The following PLCB1 variants were observed in gnomAD, a reference collection of about 807,000 sequenced individuals.
PLCB1 encodes the protein 1-phosphatidylinositol 4,5-bisphosphate phosphodiesterase beta-1.
In PLCB1, 46 loss-of-function variants were observed where a neutral mutation model predicts 161.8. That is an observed-to-expected ratio of 0.28 (90% CI 0.22 to 0.36). The LOEUF (loss-of-function observed/expected upper bound fraction) is 0.36. Among genes scored for constraint, PLCB1 ranks in the 10% least tolerant of loss-of-function variants. The pLI is 1.00. For synonymous variants in PLCB1, 517 were observed against 503.7 expected (o/e 1.03, Z -0.35); for missense variants, 1,016 against 1,472.5 (o/e 0.69, Z 5.07).
At position 8,391,816 on chromosome 20, in the gene PLCB1, T is replaced by C. The variant is rs868478486; in HGVS notation, c.246+20366T>C. Among the ~76,000 whole-genome samples, 847 of 134,082 alleles carry C rather than the reference T, an allele frequency of 6.3e-3. 7 individuals are homozygous for C. The highest frequency in any genetic ancestry group is 0.013 in the African/African-American group (443 of 33,818). 88.0% of individuals were successfully genotyped at this position (134,082 alleles called of 152,430 possible). The stretch of plus-strand genomic sequence containing the variant: ...ATATATATATATATATATATATATA[T>C]ATATATATACACACACATATATATA... On this transcript the variant is annotated intron_variant, in intron 3 of 31. Transcript: ENST00000338037.
intron 3 of PLCB1, among the ~76,000 whole-genome samples, chr20:8,619,545 A>G (rs1186316625): frequency 6.6e-6 from 1 of 152,238 alleles, no homozygotes. Context: ...TTAATTCTTT[A>G]TGTACATGTG....
At chr20:8,835,135 T>C (rs1986232333) in intron 31 of PLCB1, among the ~76,000 whole-genome samples, 1 of 150,678 alleles carries the variant, frequency 6.6e-6, no homozygotes. Context: ...AGGAGAGGAG[T>C]TGAGTGAGCC....
At chr20:8,804,419 T>C (rs1392747463) in intron 31 of PLCB1, among the ~76,000 whole-genome samples, 2 of 52,330 alleles carry the variant, frequency 3.8e-5, no homozygotes, top group Non-Finnish European at 7.0e-5. Context: ...TTAGTTTGTT[T>C]GGTCCCTTTA....
At chr20:8,266,480 C>T (rs1047467409) in intron 2 of PLCB1, among the ~76,000 whole-genome samples, 3 of 152,158 alleles carry the variant, frequency 2.0e-5, no homozygotes, top group Non-Finnish European at 2.9e-5. Context: ...CTTCTTGAAT[C>T]GAGTCAGCTA....
At chr20:8,341,358 C>T (rs978072453) in intron 2 of PLCB1, among the ~76,000 whole-genome samples, 9 of 152,104 alleles carry the variant, frequency 5.9e-5, no homozygotes, top group Admixed American at 3.3e-4. Context: ...AACTGTTGTC[C>T]GCTCCACTCT....
intron 2 of PLCB1, among the ~76,000 whole-genome samples, chr20:8,193,693 C>CTAT (rs1353452786): frequency 6.6e-6 from 1 of 151,936 alleles, no homozygotes; most frequent in African/African-American, 2.4e-5. Flanking sequence ...GAAAAGAGAA[C>CTAT]TATTGTGTTC....
intron 2 of PLCB1, among the ~76,000 whole-genome samples, chr20:8,214,026 A>T (rs981945661): frequency 3.9e-5 from 6 of 152,112 alleles, no homozygotes; most frequent in Non-Finnish European, 8.8e-5. Context: ...GGGACAATAG[A>T]AAATGTGTTT....
intron 3 of PLCB1, among the ~76,000 whole-genome samples, chr20:8,574,587 A>G (rs1308801591): frequency 6.6e-6 from 1 of 152,226 alleles, no homozygotes; most frequent in Non-Finnish European, 1.5e-5. Context: ...CAGCATTAGA[A>G]GTATGTCGAA....
chr20:8,501,862 CGCATATATATATATATATATATAT>C (rs1192595938), intron 3 of PLCB1, among the ~76,000 whole-genome samples: 3 of 104,200 alleles, frequency 2.9e-5, no homozygotes. Context: ...AAAGATATAT[CGCATATATATATATATATATATAT>C]ATATATATAT....
chr20:8,749,436 G>A (rs149790172), intron 23 of PLCB1, among the ~76,000 whole-genome samples: 9 of 152,228 alleles, frequency 5.9e-5, no homozygotes, highest in South Asian at 2.1e-4. Flanking sequence ...AATTTGTCCC[G>A]CAAGTGATTG....
chr20:8,663,088 A>C (rs1389244707), intron 9 of PLCB1, among the ~76,000 whole-genome samples: 1 of 152,000 alleles, frequency 6.6e-6, no homozygotes, highest in Non-Finnish European at 1.5e-5. Context: ...AGTCTTATTT[A>C]CCTGAGAAAG....
At chr20:8,646,023 C>T in intron 4 of PLCB1, 79 bp from the exon 5 acceptor site, 2 of 962,484 alleles carry the variant, frequency 2.1e-6, no homozygotes, top group South Asian at 1.3e-5. Flanking sequence ...AATGTGTCTT[C>T]CTGGAAGCCA....
At chr20:8,236,918 C>G (rs1980358513) in intron 2 of PLCB1, among the ~76,000 whole-genome samples, 1 of 151,916 alleles carries the variant, frequency 6.6e-6, no homozygotes, top group African/African-American at 2.4e-5. Context: ...CATACTATAA[C>G]AATAATTATT....
chr20:8,844,317 T>G (rs916406948), intron 31 of PLCB1, among the ~76,000 whole-genome samples: 3 of 152,170 alleles, frequency 2.0e-5, no homozygotes, highest in African/African-American at 7.2e-5. Flanking sequence ...TTAAAATAGA[T>G]AAGGTAGCCT....
At chr20:8,838,072 TA>T (rs3034968) in intron 31 of PLCB1, among the ~76,000 whole-genome samples, 19,319 of 148,358 alleles carry the variant, frequency 0.13, 1,331 homozygotes, top group South Asian at 0.22. Flanking sequence ...CTATGTCAAA[TA>T]AAAAAAAAAA....
chr20:8,701,448 C>T (rs1978351929), intron 11 of PLCB1, among the ~76,000 whole-genome samples: 1 of 152,136 alleles, frequency 6.6e-6, no homozygotes, highest in South Asian at 2.1e-4. Context: ...AGTGAGGCCT[C>T]CTGGGACCCA....
At chr20:8,744,650 TAAAATAAAAA>T (rs1240896187) in intron 23 of PLCB1, among the ~76,000 whole-genome samples, 3 of 149,762 alleles carry the variant, frequency 2.0e-5, no homozygotes, top group African/African-American at 7.4e-5. Context: ...TAAAATAAAA[TAAAATAAAAA>T]AATAAAATTG....
intron 2 of PLCB1, among the ~76,000 whole-genome samples, chr20:8,285,624 A>G (rs1983082053): frequency 6.6e-6 from 1 of 152,094 alleles, no homozygotes; most frequent in Non-Finnish European, 1.5e-5. Flanking sequence ...TATCAGGTAC[A>G]TAGTGTGACC....
intron 2 of PLCB1, among the ~76,000 whole-genome samples, chr20:8,329,433 G>C (rs570324094): frequency 6.6e-6 from 1 of 151,426 alleles, no homozygotes; most frequent in Non-Finnish European, 1.5e-5. Context: ...GATGACAGGC[G>C]TGAGCCACCA....
Sources: allele counts gnomAD v4.1 joint callset (sites outside exome capture counted in the v4.1 genomes callset), GRCh38; gene constraint gnomAD v4.1.1; transcripts MANE v1.5; gene names NCBI Gene and HGNC (gene_info 2026-07-23, HGNC 2026-07-21).